Variants in HELLS observed in about 807,000 individuals in gnomAD.
HELLS encodes the protein helicase, lymphoid specific.
Under a neutral mutation model 120.0 loss-of-function variants are expected in HELLS, and 32 were observed. The ratio of observed to expected loss-of-function variants is 0.27; its 90% confidence interval spans 0.20 to 0.36. The LOEUF is 0.36. HELLS is among the 10% of genes least tolerant of loss of function. The pLI is 1.00. For synonymous variants in HELLS, 341 were observed against 323.4 expected (o/e 1.05, Z -0.58); for missense variants, 650 against 993.4 (o/e 0.65, Z 4.65).
At chr10:94,580,715 A>G (rs1373198293) in intron 10 of HELLS, among the ~76,000 whole-genome samples, 1 of 152,054 alleles carries the variant, frequency 6.6e-6, no homozygotes, top group Non-Finnish European at 1.5e-5. Context: ...AAGGATAGTT[A>G]TATTTTTCAG....
chr10:94,555,541 G>C (rs1424586994), intron 3 of HELLS, among the ~76,000 whole-genome samples: 1 of 152,224 alleles, frequency 6.6e-6, no homozygotes, highest in Non-Finnish European at 1.5e-5. Context: ...ATCCAGAAAA[G>C]GCATGGAAGC....
intron 6 of HELLS, among the ~76,000 whole-genome samples, chr10:94,563,187 G>A (rs1843635840): frequency 6.7e-6 from 1 of 150,306 alleles, no homozygotes; most frequent in Non-Finnish European, 1.5e-5. Flanking sequence ...CCTCCACCTC[G>A]CGGGTTCAAG....
chr10:94,581,134 GAAAT>G (rs1364138478), intron 10 of HELLS, among the ~76,000 whole-genome samples, 188 bp from the exon 11 acceptor site: 6 of 152,168 alleles, frequency 3.9e-5, no homozygotes, highest in Non-Finnish European at 8.8e-5. Context: ...TCCAGGAACA[GAAAT>G]ATCTATCAGT....
At chr10:94,604,836 A>G (rs1846110547), downstream of HELLS, among the ~76,000 whole-genome samples, 1 of 151,812 alleles carries the variant, frequency 6.6e-6, no homozygotes, top group Non-Finnish European at 1.5e-5. Flanking sequence ...TTTACCTACC[A>G]GTAATTTATA....
intron 4 of HELLS, among the ~76,000 whole-genome samples, chr10:94,558,721 C>T (rs1035156196): frequency 6.6e-6 from 1 of 152,206 alleles, no homozygotes; most frequent in South Asian, 2.1e-4. Context: ...CCTGTCTCAG[C>T]CTCCCGAGTA....
chr10:94,594,773 G>A lies in HELLS; in HGVS notation c.2167G>A (p.Val723Ile). ...QTKPVVVYRL[V>I]TANTIDQKIV... ...AAAGCCAGTTGTTGTTTATCGCCTT[G>A]TTACAGCAAATACTATCGATCAGAA... Residue 723 changes from valine (V) to isoleucine (I), a missense_variant, in exon 19 of 22, where the codon GTT becomes ATT. Coordinates refer to ENST00000348459, the MANE Select transcript of HELLS (RefSeq NM_018063.5). The A allele has an allele frequency of 6.2e-7, 1 of 1,613,880 alleles. No homozygotes were observed. The highest frequency in any genetic ancestry group is 8.5e-7 in the Non-Finnish European group (1 of 1,179,792).
intron 2 of HELLS, among the ~76,000 whole-genome samples, chr10:94,553,843 C>G (rs115452589): frequency 3.4e-4 from 51 of 152,106 alleles, no homozygotes; most frequent in African/African-American, 1.2e-3. Context: ...TCACCGCACC[C>G]GGCCTTCAAT....
At chr10:94,597,481 A>G (rs1845795949) in intron 21 of HELLS, among the ~76,000 whole-genome samples, 2 of 152,202 alleles carry the variant, frequency 1.3e-5, no homozygotes. Flanking sequence ...AGATAATGTT[A>G]TAAAGTGTCT....
intron 21 of HELLS, among the ~76,000 whole-genome samples, chr10:94,598,606 G>GTT (rs58356300): frequency 5.0e-5 from 7 of 139,150 alleles, no homozygotes; most frequent in Admixed American, 2.2e-4. Context: ...TTGGTTGGAA[G>GTT]TTTTTTTTTT....
intron 15 of HELLS, among the ~76,000 whole-genome samples, chr10:94,591,915 A>G (rs1845507813): frequency 6.6e-6 from 1 of 152,198 alleles, no homozygotes; most frequent in Admixed American, 6.5e-5. Flanking sequence ...ACTCACTTAT[A>G]AAGAATAAGC....
chr10:94,608,524 C>G (rs1846153661), intron 9 of HELLS, among the ~76,000 whole-genome samples: 1 of 152,136 alleles, frequency 6.6e-6, no homozygotes, highest in Non-Finnish European at 1.5e-5. Flanking sequence ...TCTACCACAA[C>G]TCATACAATT....
intron 8 of HELLS, 174 bp downstream of exon 8, chr10:94,574,361 G>T: frequency 1.4e-6 from 1 of 691,550 alleles, no homozygotes; most frequent in South Asian, 2.0e-5. Flanking sequence ...AAATTACCTT[G>T]TTAATGGCTT....
chr10:94,576,317 A>C (rs1233538824), intron 9 of HELLS, among the ~76,000 whole-genome samples: 1 of 151,900 alleles, frequency 6.6e-6, no homozygotes, highest in African/African-American at 2.4e-5. Context: ...CACACCAGCT[A>C]ATTTTTGTAT....
At chr10:94,587,502 A>G (rs1457454182) in intron 12 of HELLS, among the ~76,000 whole-genome samples, 2 of 152,080 alleles carry the variant, frequency 1.3e-5, no homozygotes, top group Non-Finnish European at 2.9e-5. Context: ...ATCCTGGTTC[A>G]CTGCAACCTC....
rs1305417795 is a variant in HELLS, at chr10:94,545,935, G to A, written c.14G>A (p.Arg5Gln). 6.4e-7 allele frequency: 1 copy of A among 1,556,430 alleles called. No individual in the cohort carries two copies. Among genetic ancestry groups the A allele is most frequent in the Admixed American group, 1.9e-5 (1 of 51,416 alleles). ...GAGTGTCCAGGCATGCCAGCGGAAC[G>A]GCCCGCGGGCAGCGGCGGTGAGTGA... Reference protein sequence around the residue: MPAERPAGSGGSEAP... With the variant: MPAEQPAGSGGSEAP... Residue 5 changes from arginine (R) to glutamine (Q), a missense_variant, in exon 1 of 22, where the codon CGG (arginine) becomes CAG (glutamine). Transcript: ENST00000348459.
intron 3 of HELLS, among the ~76,000 whole-genome samples, chr10:94,556,730 C>T (rs1843285291): frequency 6.6e-6 from 1 of 152,166 alleles, no homozygotes; most frequent in Admixed American, 6.6e-5. Flanking sequence ...AATGTCTTCA[C>T]TTACCTTCAT....
rs1234571872 is a variant in HELLS at position 94,592,583 on chromosome 10, A to G, written c.1971+69A>G. Reference sequence around the variant, plus strand: ...TTCCTATCTTGATTTCTGAAGTAATATTCCAAATAGACCCACAAATTGATA... The same window carrying G: ...TTCCTATCTTGATTTCTGAAGTAATGTTCCAAATAGACCCACAAATTGATA... On this transcript the variant is annotated intron_variant, in intron 17 of 21. Transcript: ENST00000348459. 2.8e-6 allele frequency: 3 copies of G among 1,058,042 alleles called. No homozygotes were observed. In the African/African-American group the frequency reaches 4.9e-5, roughly 17 times the overall value. 65.5% of individuals were successfully genotyped at this position (1,058,042 alleles called of 1,614,324 possible).
At chr10:94,583,209 A>G (rs1278018597) in intron 12 of HELLS, 150 bp downstream of exon 12, 2 of 439,834 alleles carry the variant, frequency 4.5e-6, no homozygotes, top group African/African-American at 2.0e-5. Context: ...TTCTTCTCCC[A>G]GAGGTCACAT....
At chr10:94,609,997 A>G (rs1328449473) in exon 10 of HELLS, 1 of 152,168 alleles carries the variant, frequency 6.6e-6, no homozygotes, top group African/African-American at 2.4e-5. Flanking sequence ...GATTAAATTC[A>G]TCATTGATCA....
Sources: allele counts gnomAD v4.1 joint callset (sites outside exome capture counted in the v4.1 genomes callset), GRCh38; gene constraint gnomAD v4.1.1; transcripts MANE v1.5; gene names NCBI Gene and HGNC (gene_info 2026-07-23, HGNC 2026-07-21).